Variants in CRLF3 observed in about 807,000 individuals in gnomAD.
The protein encoded by CRLF3 is cytokine receptor like factor 3.
Under a neutral mutation model 55.0 loss-of-function variants are expected in CRLF3, and 33 were observed. The observed-to-expected ratio is 0.60, with a 90% CI of 0.46 to 0.80. The LOEUF is 0.80. CRLF3 is among the 30% of genes least tolerant of loss of function. The pLI is 0.00. For synonymous variants in CRLF3, 238 were observed against 196.8 expected (o/e 1.21, Z -1.75); for missense variants, 494 against 538.4 (o/e 0.92, Z 0.82).
In CRLF3 at chr17:30,796,938, G is replaced by A. The variant is rs796708757; in HGVS notation, c.425+373C>T. On this transcript the variant is annotated intron_variant, in intron 3 of 7. Transcript: ENST00000324238. ...TATTTTGAGATGGAGTCTTGCTGTTGCCCAGGCTGGAGTGTAGTGGTACAA... is the reference window on the plus strand; with the variant it reads ...TATTTTGAGATGGAGTCTTGCTGTTACCCAGGCTGGAGTGTAGTGGTACAA... Among the ~76,000 whole-genome samples, 83 of 151,950 alleles carry A rather than the reference G, an allele frequency of 5.5e-4. 1 individual carries two copies. Among genetic ancestry groups the A allele is most frequent in the African/African-American group, 2.0e-3 (81 of 41,422 alleles).
At chr17:30,803,202 C>T (rs1972033777) in intron 2 of CRLF3, among the ~76,000 whole-genome samples, 1 of 151,720 alleles carries the variant, frequency 6.6e-6, no homozygotes, top group Non-Finnish European at 1.5e-5. Flanking sequence ...ATTTGATTGA[C>T]TGTAACACAG....
At chr17:30,824,424 G>T in intron 1 of CRLF3, 99 bp downstream of exon 1, 1 of 1,259,700 alleles carries the variant, frequency 7.9e-7, no homozygotes, top group Non-Finnish European at 1.1e-6. Flanking sequence ...CTACTCCAGA[G>T]TTTTCGGACA....
At chr17:30,819,594 C>T (rs1265529051) in intron 1 of CRLF3, among the ~76,000 whole-genome samples, 1 of 152,202 alleles carries the variant, frequency 6.6e-6, no homozygotes, top group Admixed American at 6.5e-5. Context: ...TCTCCTGGCT[C>T]AGCCTCCTGA....
chr17:30,786,966 C>G (rs993601664), intron 6 of CRLF3: 1 of 152,366 alleles, frequency 6.6e-6, no homozygotes. Context: ...TCCCAAAGTG[C>G]TGGGATTAGA....
At chr17:30,808,923 G>A (rs1904522179) in intron 1 of CRLF3, among the ~76,000 whole-genome samples, 1 of 152,240 alleles carries the variant, frequency 6.6e-6, no homozygotes, top group South Asian at 2.1e-4. Flanking sequence ...ACCCTCAGTT[G>A]CTTTGTATAC....
At chr17:30,784,812 G>A (rs1166452807) in intron 7 of CRLF3, 3 of 198,376 alleles carry the variant, frequency 1.5e-5, no homozygotes, top group Non-Finnish European at 3.1e-5. Flanking sequence ...AGGCTGGAGT[G>A]CAGTGGCATG....
chr17:30,812,850 A>G (rs1044532093), intron 1 of CRLF3, among the ~76,000 whole-genome samples: 1 of 152,214 alleles, frequency 6.6e-6, no homozygotes, highest in Non-Finnish European at 1.5e-5. Flanking sequence ...ACAAGGGGAA[A>G]GAGACAGGAA....
At chr17:30,808,814 C>T (rs1245691541) in intron 1 of CRLF3, among the ~76,000 whole-genome samples, 3 of 151,360 alleles carry the variant, frequency 2.0e-5, no homozygotes, top group Non-Finnish European at 2.9e-5. Flanking sequence ...AGGCTGGTCG[C>T]GAACTCCTGA....
At chr17:30,797,128 C>A (rs112364995) in intron 3 of CRLF3, among the ~76,000 whole-genome samples, 183 bp downstream of exon 3, 10,764 of 152,050 alleles carry the variant, frequency 0.071, 1,128 homozygotes, top group African/African-American at 0.23. Flanking sequence ...TGGCCTCAAG[C>A]AATCCACCCG....
intron 2 of CRLF3, among the ~76,000 whole-genome samples, chr17:30,803,198 T>C (rs950678852): frequency 2.6e-5 from 4 of 151,704 alleles, no homozygotes; most frequent in African/African-American, 7.3e-5. Context: ...TATAATTTGA[T>C]TGACTGTAAC....
rs1971551933 is a variant in CRLF3, at chr17:30,783,527, G to A, written c.*660C>T. On this transcript the variant is annotated 3_prime_UTR_variant, in exon 8 of 8. Coordinates refer to ENST00000324238, the MANE Select transcript of CRLF3 (RefSeq NM_015986.4). ...AGCTACTCAGGAGCCTGAGGCAGGA[G>A]GATCGCTTGAACGTGGGAGGCAGAG... 1.3e-5 allele frequency: 2 copies of A among 152,242 alleles called. No individual in the cohort carries two copies. Among genetic ancestry groups the A allele is most frequent in the Admixed American group, 6.6e-5 (1 of 15,266 alleles). The allele number at this position is 152,242 out of a possible 1,614,324, so 9.4% of individuals were successfully genotyped here.
chr17:30,784,700 T>A (rs909464970), intron 7 of CRLF3: 1 of 368,512 alleles, frequency 2.7e-6, no homozygotes, highest in Non-Finnish European at 4.9e-6. Flanking sequence ...CAAGACTATT[T>A]CTTATGGAAT....
intron 4 of CRLF3, among the ~76,000 whole-genome samples, chr17:30,795,882 AG>A (rs1209967139): frequency 1.3e-5 from 2 of 151,922 alleles, no homozygotes; most frequent in African/African-American, 2.4e-5. Flanking sequence ...CAGGCGGGGG[AG>A]GGCATGGAGG....
intron 7 of CRLF3, among the ~76,000 whole-genome samples, chr17:30,785,384 C>T (rs1971618631): frequency 6.6e-6 from 1 of 151,810 alleles, no homozygotes; most frequent in African/African-American, 2.4e-5. Context: ...CTCTGGCTAG[C>T]GATTTTTAAA....
intron 2 of CRLF3, among the ~76,000 whole-genome samples, chr17:30,799,511 A>G (rs1162940914): frequency 6.7e-6 from 1 of 150,228 alleles, no homozygotes; most frequent in South Asian, 2.1e-4. Flanking sequence ...GGAATGTGCC[A>G]CTATGCCCAG....
At chr17:30,792,287 C>A in intron 6 of CRLF3, 153 bp downstream of exon 6, 1 of 596,134 alleles carries the variant, frequency 1.7e-6, no homozygotes, top group Non-Finnish European at 2.9e-6. Flanking sequence ...GATGAGAAAA[C>A]TACAGCTACA....
In CRLF3 at chr17:30,792,473, G is replaced by A. The variant is rs1158847426; in HGVS notation, c.926C>T (p.Pro309Leu). Residue 309 changes from proline (P) to leucine (L), a missense_variant, in exon 6 of 8, where the codon CCG (proline) becomes CTG (leucine). By Grantham distance (98) the Pro-to-Leu change is moderately conservative (BLOSUM62 -3). Transcript: ENST00000324238. ...TAATGTCTGCCCACAGAAATAAGTC[G>A]GAGCTCTGGAGTAGAGAACACCCGA... The part of the protein sequence containing the change: ...ESSGVLYSRA[P>L]TYFCGQTLTF... The A allele has an allele frequency of 8.7e-6, 14 of 1,611,848 alleles. No homozygotes were observed. Among genetic ancestry groups the A allele is most frequent in the Non-Finnish European group, 1.2e-5 (14 of 1,178,224 alleles).
intron 2 of CRLF3, among the ~76,000 whole-genome samples, chr17:30,800,006 A>G (rs1005330053): frequency 6.6e-6 from 1 of 152,190 alleles, no homozygotes; most frequent in Non-Finnish European, 1.5e-5. Flanking sequence ...AGACAAGACA[A>G]AAATGTAACC....
intron 1 of CRLF3, among the ~76,000 whole-genome samples, chr17:30,817,858 A>C (rs1220453943): frequency 7.0e-6 from 1 of 141,950 alleles, no homozygotes. Flanking sequence ...ATGAGCCGAG[A>C]TGGCGCCACT....
Sources: allele counts gnomAD v4.1 joint callset (sites outside exome capture counted in the v4.1 genomes callset), GRCh38; gene constraint gnomAD v4.1.1; transcripts MANE v1.5; gene names NCBI Gene and HGNC (gene_info 2026-07-23, HGNC 2026-07-21).